The following GNA12 variants were observed in gnomAD, a reference collection of about 807,000 sequenced individuals.
GNA12 encodes the protein G protein subunit alpha 12, also known as guanine nucleotide-binding protein subunit alpha-12.
Under a neutral mutation model 26.0 loss-of-function variants are expected in GNA12, and 9 were observed. That is an observed-to-expected ratio of 0.35 (90% confidence interval 0.21 to 0.60). GNA12 has a LOEUF of 0.60. Among genes scored for constraint, GNA12 ranks in the 20% least tolerant of loss-of-function variants. The pLI is 0.78. For synonymous variants in GNA12, 264 were observed against 219.6 expected (o/e 1.20, Z -1.79); for missense variants, 405 against 525.8 (o/e 0.77, Z 2.25).
intron 2 of GNA12, among the ~76,000 whole-genome samples, chr7:2,735,147 C>T (rs979410790): frequency 1.3e-5 from 2 of 152,190 alleles, no homozygotes; most frequent in African/African-American, 4.8e-5. Context: ...TTCCTCAGCG[C>T]CTCTCTCTCC....
intron 1 of GNA12, among the ~76,000 whole-genome samples, chr7:2,839,008 C>T (rs1424491954): frequency 6.6e-6 from 1 of 152,206 alleles, no homozygotes; most frequent in African/African-American, 2.4e-5. Context: ...ACACCACTAT[C>T]AATCAAGATC....
intron 2 of GNA12, among the ~76,000 whole-genome samples, chr7:2,744,528 T>A (rs1207792805): frequency 6.6e-6 from 1 of 151,856 alleles, no homozygotes; most frequent in Admixed American, 6.6e-5. Flanking sequence ...TACGTCACCA[T>A]CATCAAAGAC....
intron 1 of GNA12, among the ~76,000 whole-genome samples, chr7:2,834,089 G>A (rs1445473086): frequency 1.3e-5 from 2 of 152,168 alleles, no homozygotes; most frequent in Non-Finnish European, 2.9e-5. Context: ...ATTTTCTAGG[G>A]AGAAGACCCA....
intron 2 of GNA12, chr7:2,765,018 C>T (rs1791745677): frequency 6.6e-6 from 1 of 152,150 alleles, no homozygotes; most frequent in Admixed American, 6.5e-5. Context: ...GAAAACCTTT[C>T]CTTAAAGGAA....
In GNA12 at chr7:2,728,256, G is replaced by A. The variant is rs980100112; in HGVS notation, c.*2925C>T. On this transcript the variant is annotated 3_prime_UTR_variant, in exon 4 of 4. Coordinates refer to ENST00000275364, the MANE Select transcript of GNA12 (RefSeq NM_007353.3). ...GACCCGGACCACTACCATTCCAATG[G>A]GAGCCTCTGCCTTACAATACCAGGT... is the stretch of plus-strand genomic sequence containing the variant. 4 of 152,242 alleles carry A rather than the reference G, an allele frequency of 2.6e-5. No individual in the cohort carries two copies. The highest frequency in any genetic ancestry group is 9.7e-5 in the African/African-American group (4 of 41,412). 9.4% of individuals were successfully genotyped at this position (152,242 alleles called of 1,614,324 possible).
At chr7:2,733,347 G>T (rs914129918) in intron 3 of GNA12, 104 bp downstream of exon 3, 3 of 878,846 alleles carry the variant, frequency 3.4e-6, no homozygotes, top group Non-Finnish European at 5.6e-6. Context: ...AACAAGCTCG[G>T]CCTGTCAGTC....
At chr7:2,770,410 TC>T (rs1791918760) in intron 2 of GNA12, among the ~76,000 whole-genome samples, 1 of 152,186 alleles carries the variant, frequency 6.6e-6, no homozygotes, top group Non-Finnish European at 1.5e-5. Context: ...CTGACATAGT[TC>T]AGCTAGGCTT....
chr7:2,762,470 C>G, intron 2 of GNA12: 1 of 641,052 alleles, frequency 1.6e-6, no homozygotes, highest in Non-Finnish European at 2.5e-6. Context: ...AGCCTCTGAA[C>G]CCACCCGTGT....
intron 2 of GNA12, among the ~76,000 whole-genome samples, chr7:2,757,764 T>C (rs1237697307): frequency 1.3e-5 from 2 of 152,252 alleles, no homozygotes; most frequent in African/African-American, 4.8e-5. Context: ...TCATCTTCCC[T>C]GCACATTCTC....
At position 2,778,763 on chromosome 7, in the gene GNA12, T is replaced by C. The variant is rs139200644; in HGVS notation, c.525+16165A>G. On this transcript the variant is annotated intron_variant, in intron 2 of 3. Coordinates refer to ENST00000275364, the MANE Select transcript of GNA12 (RefSeq NM_007353.3). ...AGGGTATTAATACCGCCTTCCTTGA[T>C]AGCTAAGGACTGAAGCTTCAATAAT... is the stretch of plus-strand genomic sequence containing the variant. Among the ~76,000 whole-genome samples, 216 of 152,312 alleles carry C rather than the reference T, an allele frequency of 1.4e-3. 2 individuals carry two copies. The highest frequency in any genetic ancestry group is 4.7e-3 in the African/African-American group (197 of 41,582).
In GNA12 at chr7:2,839,221, G is replaced by A. The variant is rs560344052; in HGVS notation, c.309+4632C>T. ...AGTCGAACCAGAAATCAACAAAAGAGAGACAACAGGAAAATCTTTTCTTTT... is the reference window on the plus strand; with the variant it reads ...AGTCGAACCAGAAATCAACAAAAGAAAGACAACAGGAAAATCTTTTCTTTT... On this transcript the variant is annotated intron_variant, in intron 1 of 3. Transcript: ENST00000275364. Among the ~76,000 whole-genome samples, 6 of 150,748 alleles carry A rather than the reference G, an allele frequency of 4.0e-5. No homozygotes were observed. In the South Asian group the frequency reaches 1.3e-3, roughly 32 times the overall value.
chr7:2,774,723 A>G (rs1340181500), intron 2 of GNA12, among the ~76,000 whole-genome samples: 1 of 152,234 alleles, frequency 6.6e-6, no homozygotes, highest in Non-Finnish European at 1.5e-5. Flanking sequence ...TCCTTTTTAT[A>G]TAACTTCTTT....
intron 2 of GNA12, among the ~76,000 whole-genome samples, chr7:2,753,120 G>T (rs1791117141): frequency 1.3e-5 from 2 of 151,708 alleles, no homozygotes; most frequent in South Asian, 2.1e-4. Context: ...GCCTTTTCTA[G>T]AGTGTACTTA....
intron 2 of GNA12, 38 bp downstream of exon 2, chr7:2,794,890 C>A: frequency 7.1e-7 from 1 of 1,413,678 alleles, no homozygotes; most frequent in Non-Finnish European, 1.0e-6. Context: ...GTAAAAAACA[C>A]ACTATCAGGT....
intron 1 of GNA12, among the ~76,000 whole-genome samples, chr7:2,795,749 C>T (rs779986629): frequency 3.5e-4 from 53 of 150,774 alleles, no homozygotes; most frequent in Non-Finnish European, 6.5e-4. Flanking sequence ...GACAACTGGG[C>T]GGGGAGGAGG....
intron 2 of GNA12, among the ~76,000 whole-genome samples, chr7:2,747,015 A>C (rs1219290090): frequency 6.6e-6 from 1 of 151,948 alleles, no homozygotes; most frequent in African/African-American, 2.4e-5. Context: ...TCTGAAATTG[A>C]GGCAATAATC....
intron 1 of GNA12, among the ~76,000 whole-genome samples, chr7:2,839,279 G>T (rs1778923469): frequency 6.6e-6 from 1 of 152,166 alleles, no homozygotes; most frequent in Admixed American, 6.5e-5. Context: ...TGTCGCCCAG[G>T]ATAAAGTGCA....
intron 1 of GNA12, among the ~76,000 whole-genome samples, chr7:2,830,065 C>G (rs149482898): frequency 1.4e-3 from 216 of 152,290 alleles, no homozygotes; most frequent in Admixed American, 4.4e-3. Flanking sequence ...CACCAAGGAC[C>G]CTTTCCTTTT....
At position 2,730,681 on chromosome 7, in the gene GNA12, T is replaced by C. The variant is rs1418373214; in HGVS notation, c.*500A>G. 6.5e-6 allele frequency: 1 copy of C among 153,912 alleles called. No individual in the cohort carries two copies. The highest frequency in any genetic ancestry group is 2.4e-5 in the African/African-American group (1 of 41,476). The allele number at this position is 153,912 out of a possible 1,614,324, so 9.5% of individuals were successfully genotyped here. ...CAGGGCCGGGCTCAGGCACTGAGTT[T>C]AGCAGCATCGGCGTGCACTGGATCT... is the stretch of plus-strand genomic sequence containing the variant. On this transcript the variant is annotated 3_prime_UTR_variant, in exon 4 of 4. Transcript: ENST00000275364.
Sources: gnomAD v4.1 joint callset for allele counts (sites outside exome capture counted in the v4.1 genomes callset) on GRCh38, gnomAD v4.1.1 for gene constraint, MANE v1.5 for transcripts, NCBI Gene and HGNC (gene_info 2026-07-23, HGNC 2026-07-21) for gene names.